The following TENT5D variants were observed in gnomAD, a reference collection of about 807,000 sequenced individuals.
TENT5D encodes the protein terminal nucleotidyltransferase 5D.
For synonymous variants in TENT5D, 103 were observed against 100.6 expected (o/e 1.02, Z -0.15); for missense variants, 191 against 287.0 (o/e 0.67, Z 2.42).
chrX:80,438,379 A>G (rs1932220327), intron 1 of TENT5D, among the ~76,000 whole-genome samples: 1 of 109,505 alleles, frequency 9.1e-6, no homozygotes, highest in African/African-American at 3.3e-5. Flanking sequence ...AACATGCATT[A>G]GAGTTACTAA....
chrX:80,379,705 G>A (rs1403162638), intron 3 of TENT5D, among the ~76,000 whole-genome samples: 4 of 110,977 alleles, frequency 3.6e-5, no homozygotes, highest in Non-Finnish European at 7.5e-5. Context: ...ATGTGTCAGG[G>A]AATTTATCCA....
chrX:80,430,422 C>A (rs1349636841), intron 1 of TENT5D, among the ~76,000 whole-genome samples: 1 of 111,067 alleles, frequency 9.0e-6, no homozygotes, highest in Non-Finnish European at 1.9e-5. Context: ...TTAGAAGTTG[C>A]ATTTGAGAGT....
At chrX:80,405,546 C>T (rs1044059839) in intron 3 of TENT5D, among the ~76,000 whole-genome samples, 1 of 112,146 alleles carries the variant, frequency 8.9e-6, no homozygotes, top group Non-Finnish European at 1.9e-5. Context: ...CTTTTCGGAC[C>T]GGCTTAAAAA....
At chrX:80,428,506 C>G (rs1932025252) in intron 1 of TENT5D, among the ~76,000 whole-genome samples, 1 of 112,484 alleles carries the variant, frequency 8.9e-6, no homozygotes, top group African/African-American at 3.2e-5. Context: ...CCCTTGCTTT[C>G]TGATACATAG....
At chrX:80,412,514 G>T (rs1931691784) in intron 3 of TENT5D, among the ~76,000 whole-genome samples, 1 of 112,367 alleles carries the variant, frequency 8.9e-6, no homozygotes, top group African/African-American at 3.2e-5. Flanking sequence ...CTTTTAAAAT[G>T]GAATGCTTTT....
chrX:80,426,154 G>C (rs1931984607), intron 1 of TENT5D, among the ~76,000 whole-genome samples: 1 of 111,133 alleles, frequency 9.0e-6, no homozygotes, highest in South Asian at 3.8e-4. Context: ...GGATGCTCTA[G>C]GGGCCCGCTG....
At chrX:80,438,796 A>G (rs999550951) in intron 2 of TENT5D, 64 bp downstream of exon 2, 1 of 111,006 alleles carries the variant, frequency 9.0e-6, no homozygotes, top group Non-Finnish European at 1.9e-5. Flanking sequence ...ATAGACAGGT[A>G]AAGAGTGGCT....
At chrX:80,407,396 A>G (rs1273908957) in intron 3 of TENT5D, among the ~76,000 whole-genome samples, 2 of 110,112 alleles carry the variant, frequency 1.8e-5, no homozygotes, top group Non-Finnish European at 3.8e-5. Context: ...AAATAAAAGG[A>G]TGGAGGAAGA....
chrX:80,434,075 C>A (rs764792268), intron 1 of TENT5D, among the ~76,000 whole-genome samples: 1 of 107,084 alleles, frequency 9.3e-6, no homozygotes, highest in East Asian at 3.0e-4. Context: ...AGGTGGAGGT[C>A]ACAGTGAGCC....
chrX:80,376,783 A>G (rs1489879733), intron 3 of TENT5D, among the ~76,000 whole-genome samples: 1 of 111,913 alleles, frequency 8.9e-6, no homozygotes, highest in Non-Finnish European at 1.9e-5. Context: ...AAGGTCAAAC[A>G]TAGCACTTTG....
At chrX:80,402,906 A>G (rs1410858097) in intron 3 of TENT5D, among the ~76,000 whole-genome samples, 1 of 112,143 alleles carries the variant, frequency 8.9e-6, no homozygotes, top group East Asian at 2.8e-4. Flanking sequence ...CATTTGGCCT[A>G]AAGTATTTTC....
chrX:80,417,436 A>C (rs1931798966), upstream of TENT5D, among the ~76,000 whole-genome samples: 1 of 97,677 alleles, frequency 1.0e-5, no homozygotes, highest in Non-Finnish European at 2.0e-5. Flanking sequence ...GGTGGCTGGT[A>C]ATAGTTTTTT....
chrX:80,381,519 G>A (rs886768823), intron 3 of TENT5D, among the ~76,000 whole-genome samples: 1 of 111,730 alleles, frequency 9.0e-6, no homozygotes, highest in Admixed American at 9.5e-5. Context: ...GCTAGGTTGG[G>A]GAAGTTCTCC....
At position 80,346,250 on chromosome X, in the gene TENT5D, C is replaced by G. The variant is rs1018511514; in HGVS notation, c.-142+3686C>G. On this transcript the variant is annotated intron_variant, in intron 3 of 4. Coordinates refer to the TENT5D transcript ENST00000538312. ...GTAGTATCCCATTATATGAATGTACCAAGTTTGTTTGTCCATACACCTGCT... is the reference window on the plus strand; with the variant it reads ...GTAGTATCCCATTATATGAATGTACGAAGTTTGTTTGTCCATACACCTGCT... Among the ~76,000 whole-genome samples the G allele has an allele frequency of 5.4e-5, 6 of 111,485 alleles. 1 individual carries two copies. The Admixed American group carries it at 5.7e-4, about 11-fold the overall frequency.
intron 3 of TENT5D, among the ~76,000 whole-genome samples, chrX:80,360,203 C>G (rs1930377079): frequency 8.9e-6 from 1 of 112,164 alleles, no homozygotes; most frequent in African/African-American, 3.2e-5. Context: ...TTAGTACTAA[C>G]TCAATGGCCA....
chrX:80,378,478 T>A (rs1322563156), intron 3 of TENT5D, among the ~76,000 whole-genome samples: 1 of 111,123 alleles, frequency 9.0e-6, no homozygotes, highest in African/African-American at 3.3e-5. Flanking sequence ...TCCATTTTTT[T>A]AAATAGGACA....
upstream of TENT5D, among the ~76,000 whole-genome samples, chrX:80,416,374 C>T (rs180740880): frequency 3.1e-5 from 3 of 97,627 alleles, no homozygotes; most frequent in East Asian, 6.6e-4. Flanking sequence ...TTCCTCTTTA[C>T]GTTATGTTAG....
chrX:80,382,729 G>A (rs1298689767), intron 3 of TENT5D, among the ~76,000 whole-genome samples: 1 of 108,803 alleles, frequency 9.2e-6, no homozygotes, highest in Admixed American at 9.8e-5. Context: ...CCAGGCTGCT[G>A]CCTCGCAGTT....
intron 3 of TENT5D, among the ~76,000 whole-genome samples, chrX:80,411,470 C>T (rs908938731): frequency 5.4e-5 from 6 of 111,047 alleles, no homozygotes; most frequent in African/African-American, 9.8e-5. Flanking sequence ...AAAAATTTAC[C>T]GTACAAGATT....
Sources: gnomAD v4.1 joint callset for allele counts (sites outside exome capture counted in the v4.1 genomes callset) on GRCh38, gnomAD v4.1.1 for gene constraint, MANE v1.5 for transcripts, NCBI Gene and HGNC (gene_info 2026-07-23, HGNC 2026-07-21) for gene names.